The following PCDHA7 variants were observed in gnomAD, a reference collection of about 807,000 sequenced individuals.
PCDHA7 encodes protocadherin alpha-7.
A neutral mutation model predicts 57.2 loss-of-function variants in PCDHA7; 37 were observed. The observed-to-expected ratio is 0.65, with a 90% CI of 0.50 to 0.85. The LOEUF is 0.85. PCDHA7 is among the 40% of genes least tolerant of loss of function. The pLI is 0.00. For missense variants in PCDHA7, 1,188 were observed against 1,241.8 expected (o/e 0.96, Z 0.65); for synonymous variants, 553 against 558.8 (o/e 0.99, Z 0.15).
intron 1 of PCDHA7, chr5:140,876,882 G>C: frequency 1.2e-6 from 2 of 1,614,140 alleles, no homozygotes; most frequent in Non-Finnish European, 1.7e-6. Context: ...ACAACCCGCC[G>C]GGCTGCCACA....
chr5:140,863,333 CGTT>C, intron 1 of PCDHA7: 1 of 1,399,240 alleles, frequency 7.1e-7, no homozygotes. Flanking sequence ...TTAGTGCTCA[CGTT>C]GCTGCTGTAC....
intron 1 of PCDHA7, chr5:140,875,574 C>A (rs368911944): frequency 2.2e-5 from 35 of 1,613,978 alleles, no homozygotes; most frequent in East Asian, 6.7e-5. Context: ...TCCACTACTC[C>A]GTCTACGAGG....
chr5:140,975,358 A>T (rs1212652611), intron 1 of PCDHA7, among the ~76,000 whole-genome samples: 1 of 152,258 alleles, frequency 6.6e-6, no homozygotes, highest in East Asian at 1.9e-4. Flanking sequence ...CAACTGTGCT[A>T]CATAGCATAA....
chr5:140,985,236 C>G (rs1338808702), intron 3 of PCDHA7, among the ~76,000 whole-genome samples: 1 of 152,184 alleles, frequency 6.6e-6, no homozygotes, highest in Admixed American at 6.5e-5. Context: ...CGCGCCTGGC[C>G]TAATCTTCTT....
intron 1 of PCDHA7, chr5:140,928,259 A>G: frequency 6.2e-7 from 1 of 1,614,218 alleles, no homozygotes; most frequent in Non-Finnish European, 8.5e-7. Context: ...TTCGTTGCTG[A>G]AAACAATGGC....
At chr5:140,875,935 G>A (rs781964808) in intron 1 of PCDHA7, 14 of 1,614,210 alleles carry the variant, frequency 8.7e-6, no homozygotes, top group African/African-American at 1.3e-5. Flanking sequence ...TTTTCCTCTA[G>A]AGGGCGCTTC....
intron 3 of PCDHA7, among the ~76,000 whole-genome samples, chr5:140,990,685 C>T (rs1451672615): frequency 2.6e-5 from 4 of 152,252 alleles, no homozygotes; most frequent in South Asian, 4.1e-4. Context: ...AAGCTGCTTT[C>T]GGAGAGTCCA....
Position 140,857,922 on chromosome 5 carries a change from T to C in PCDHA7, c.2355+21184T>C, listed in dbSNP as rs782519535. On this transcript the variant is annotated intron_variant, in intron 1 of 3. Coordinates refer to ENST00000525929, the MANE Select transcript of PCDHA7 (RefSeq NM_018910.3). Reference sequence around the variant, plus strand: ...GCACGCATCCCGTTTCGCGTGGGGCTGTACACGGGCGAGATCAGTACGACG... The same window carrying C: ...GCACGCATCCCGTTTCGCGTGGGGCCGTACACGGGCGAGATCAGTACGACG... The C allele has an allele frequency of 1.9e-6, 3 of 1,597,722 alleles. No homozygotes were observed. The South Asian group carries it at 3.3e-5, about 18-fold the overall frequency.
chr5:140,989,538 T>G (rs1254500205), intron 3 of PCDHA7, among the ~76,000 whole-genome samples: 3 of 152,180 alleles, frequency 2.0e-5, no homozygotes, highest in Non-Finnish European at 4.4e-5. Flanking sequence ...GAAGATAGTT[T>G]GTAATTCCTT....
rs542536806 is a variant in PCDHA7, at chr5:140,896,054, G to T, written c.2355+59316G>T. Among the ~76,000 whole-genome samples the T allele has an allele frequency of 4.6e-5, 7 of 151,966 alleles. 1 individual carries two copies. In the East Asian group the frequency reaches 1.4e-3, roughly 30 times the overall value. On this transcript the variant is annotated intron_variant, in intron 1 of 3. Transcript: ENST00000525929. ...TCGAACTCCTGACCTCAGGTGATCC[G>T]CCTGCCTCGGCCTCCCAACATGCTG...
chr5:140,869,469 G>T, intron 1 of PCDHA7: 1 of 1,614,210 alleles, frequency 6.2e-7, no homozygotes, highest in Non-Finnish European at 8.5e-7. Context: ...TGAACGTGGA[G>T]GTGAAGGACA....
intron 1 of PCDHA7, chr5:140,926,614 C>A (rs2083406581): frequency 5.3e-6 from 2 of 377,642 alleles, no homozygotes; most frequent in Admixed American, 4.4e-5. Context: ...TCTCTGCACC[C>A]CTAGGCGGCG....
At chr5:140,917,892 T>C (rs1382149175) in intron 1 of PCDHA7, among the ~76,000 whole-genome samples, 2 of 152,104 alleles carry the variant, frequency 1.3e-5, no homozygotes, top group African/African-American at 4.8e-5. Flanking sequence ...TTTTTCCATA[T>C]GAATGTTAGG....
chr5:140,840,155 G>C (rs2150303964), intron 1 of PCDHA7, among the ~76,000 whole-genome samples: 1 of 152,102 alleles, frequency 6.6e-6, no homozygotes, highest in East Asian at 1.9e-4. Flanking sequence ...CGTGAAAGGA[G>C]AGATGGGATG....
At chr5:140,844,873 C>T (rs2150374535) in intron 1 of PCDHA7, among the ~76,000 whole-genome samples, 1 of 149,368 alleles carries the variant, frequency 6.7e-6, no homozygotes, top group African/African-American at 2.4e-5. Flanking sequence ...ATTAAATACC[C>T]ATTAGACTTC....
rs781970935 is a variant in PCDHA7 at position 140,982,505 on chromosome 5, A to G, written c.2445A>G (p.Leu815=). The change falls in exon 3 of 4, where the codon CTA becomes CTG. Residue 815 remains leucine (L), a synonymous_variant. Coordinates refer to ENST00000525929, the MANE Select transcript of PCDHA7 (RefSeq NM_018910.3). ...TGCACCTAGAGGAGGCTGGCATTCT[A>G]CGGGCTGGTCCAGGAGGGCCTGATC... ...SSVHLEEAGI[L]RAGPGGPDQQ... The G allele has an allele frequency of 1.2e-6, 2 of 1,614,220 alleles. No homozygotes were observed. The highest frequency in any genetic ancestry group is 8.5e-7 in the Non-Finnish European group (1 of 1,180,032).
At position 140,856,052 on chromosome 5, in the gene PCDHA7, G is replaced by A. The variant is rs782444703; in HGVS notation, c.2355+19314G>A. 5.7e-6 allele frequency: 9 copies of A among 1,585,062 alleles called. 1 individual carries two copies. Among genetic ancestry groups the A allele is most frequent in the African/African-American group, 5.4e-5 (4 of 73,974 alleles). On this transcript the variant is annotated intron_variant, in intron 1 of 3. Coordinates refer to ENST00000525929, the MANE Select transcript of PCDHA7 (RefSeq NM_018910.3). The stretch of plus-strand genomic sequence containing the variant: ...TGTAAAACAAGAGAAGGATAAGATG[G>A]TTTCCAGATGTAGCTGCCTGGGGGT...
At chr5:140,870,606 C>T (rs781958673) in intron 1 of PCDHA7, 24 of 1,613,142 alleles carry the variant, frequency 1.5e-5, no homozygotes, top group Non-Finnish European at 3.4e-6. Flanking sequence ...TGGGCGACCG[C>T]GCGCTGTCGA....
chr5:141,004,933 AAAAT>A (rs1336216932), intron 3 of PCDHA7, among the ~76,000 whole-genome samples: 1 of 152,198 alleles, frequency 6.6e-6, no homozygotes, highest in Non-Finnish European at 1.5e-5. Flanking sequence ...AAGAGAGAAG[AAAAT>A]TTCTTACCCT....
Sources: gnomAD v4.1 joint callset for allele counts (sites outside exome capture counted in the v4.1 genomes callset) on GRCh38, gnomAD v4.1.1 for gene constraint, MANE v1.5 for transcripts, NCBI Gene and HGNC (gene_info 2026-07-23, HGNC 2026-07-21) for gene names.